TXNRD2: variants seen among roughly 807,000 people sequenced by gnomAD.
TXNRD2 encodes the protein thioredoxin reductase 2, also known as thioredoxin reductase 2, mitochondrial.
TXNRD2 carries 67 observed loss-of-function variants against 70.8 expected under a neutral mutation model. The observed-to-expected ratio is 0.95, with a 90% CI of 0.78 to 1.16. The LOEUF is 1.16. TXNRD2 is among the 50% of genes most tolerant of loss of function. The pLI is 0.00. For missense variants in TXNRD2, 644 were observed against 719.9 expected (o/e 0.89, Z 1.21); for synonymous variants, 301 against 295.8 (o/e 1.02, Z -0.18).
chr22:19,927,651 C>CAAAAAAAAAAAAAA (rs149665821), intron 2 of TXNRD2, among the ~76,000 whole-genome samples: 8 of 68,370 alleles, frequency 1.2e-4, no homozygotes, highest in Admixed American at 1.8e-4. Context: ...GACCTTGTCT[C>CAAAAAAAAAAAAAA]AAAAAAAAAA....
intron 14 of TXNRD2, among the ~76,000 whole-genome samples, chr22:19,879,712 A>G (rs978890636): frequency 1.3e-5 from 2 of 152,098 alleles, no homozygotes; most frequent in Admixed American, 6.5e-5. Context: ...TGGGGACAGC[A>G]CAGAGGCATC....
intron 2 of TXNRD2, among the ~76,000 whole-genome samples, chr22:19,926,575 T>C (rs1370219421): frequency 1.3e-5 from 2 of 151,438 alleles, no homozygotes; most frequent in Admixed American, 1.3e-4. Flanking sequence ...AGGTCAAGAG[T>C]TCAAGACCAG....
At chr22:19,930,745 G>T (rs1048040634) in intron 2 of TXNRD2, among the ~76,000 whole-genome samples, 2 of 152,216 alleles carry the variant, frequency 1.3e-5, no homozygotes, top group African/African-American at 4.8e-5. Context: ...GGTGTGAGTG[G>T]TGGGAGCTGA....
chr22:19,911,535 C>G, intron 7 of TXNRD2, 88 bp from the exon 8 acceptor site: 4 of 1,003,226 alleles, frequency 4.0e-6, no homozygotes, highest in Non-Finnish European at 6.3e-6. Flanking sequence ...TTTGCAGAAT[C>G]AAGCAGAGCT....
intron 1 of TXNRD2, among the ~76,000 whole-genome samples, chr22:19,935,241 G>C (rs1414942512): frequency 6.6e-6 from 1 of 152,150 alleles, no homozygotes; most frequent in Admixed American, 6.5e-5. Flanking sequence ...GGGGAGGTCT[G>C]TAAACGGCCA....
At chr22:19,914,977 G>C (rs1940568059) in intron 7 of TXNRD2, 4 of 532,414 alleles carry the variant, frequency 7.5e-6, no homozygotes, top group Non-Finnish European at 1.4e-5. Flanking sequence ...CAGCGGGGCA[G>C]GGGGAGAGCA....
At chr22:19,902,304 G>A (rs896097561) in intron 8 of TXNRD2, among the ~76,000 whole-genome samples, 1 of 152,248 alleles carries the variant, frequency 6.6e-6, no homozygotes, top group Non-Finnish European at 1.5e-5. Context: ...TGCAGGATGA[G>A]CCTAATCACA....
At chr22:19,908,945 C>T (rs1046939346) in intron 8 of TXNRD2, among the ~76,000 whole-genome samples, 2 of 152,138 alleles carry the variant, frequency 1.3e-5, no homozygotes, top group South Asian at 2.1e-4. Context: ...TGGCTCACCC[C>T]TGTAATCCCA....
intron 12 of TXNRD2, among the ~76,000 whole-genome samples, chr22:19,882,780 C>G (rs190755683): frequency 6.6e-6 from 1 of 152,344 alleles, no homozygotes; most frequent in Non-Finnish European, 1.5e-5. Flanking sequence ...AAGGAGGGCT[C>G]CAGAGCCCCC....
rs752723259 is a variant in TXNRD2, at chr22:19,915,208, A to G, written c.591+6T>C. On this transcript the variant is annotated splice_donor_region_variant and intron_variant, in intron 7 of 17. Transcript: ENST00000400521. ...AGCAGGGACGCTATGCTCTGGGGAC[A>G]CTCACGTGCGTGGGGTATCTCGGCC... 6.2e-7 allele frequency: 1 copy of G among 1,613,588 alleles called. No homozygotes were observed. The highest frequency in any genetic ancestry group is 1.1e-5 in the South Asian group (1 of 90,892).
At chr22:19,902,599 G>T (rs759806907) in intron 8 of TXNRD2, among the ~76,000 whole-genome samples, 53 of 152,294 alleles carry the variant, frequency 3.5e-4, no homozygotes, top group Non-Finnish European at 4.1e-4. Flanking sequence ...CCCCGGCTTG[G>T]CTGGAACCCC....
chr22:19,936,822 G>A (rs1025910460), intron 1 of TXNRD2, among the ~76,000 whole-genome samples: 7 of 151,930 alleles, frequency 4.6e-5, no homozygotes, highest in East Asian at 3.9e-4. Context: ...CTTCTATGCC[G>A]ACTCTATCTC....
chr22:19,894,784 T>C (rs1939420083), intron 11 of TXNRD2: 1 of 327,126 alleles, frequency 3.1e-6, no homozygotes, highest in East Asian at 9.6e-5. Flanking sequence ...GGTCAGGAGA[T>C]TGAGACCATC....
At chr22:19,930,050 G>A (rs1483273259) in intron 2 of TXNRD2, among the ~76,000 whole-genome samples, 1 of 152,144 alleles carries the variant, frequency 6.6e-6, no homozygotes, top group African/African-American at 2.4e-5. Flanking sequence ...ACTAGGCCTC[G>A]TGGCTGCCTG....
chr22:19,910,265 C>G (rs901011304), intron 8 of TXNRD2, among the ~76,000 whole-genome samples: 1 of 152,250 alleles, frequency 6.6e-6, no homozygotes, highest in Non-Finnish European at 1.5e-5. Context: ...GAGTGAGAGC[C>G]ACTTGCACGC....
chr22:19,933,530 A>G (rs552626726), intron 1 of TXNRD2: 1 of 1,288,128 alleles, frequency 7.8e-7, no homozygotes, highest in East Asian at 5.6e-5. Flanking sequence ...TCTGTCTGCT[A>G]TCAGGCAGGG....
At chr22:19,926,344 G>A (rs557743183) in intron 2 of TXNRD2, among the ~76,000 whole-genome samples, 263 of 149,188 alleles carry the variant, frequency 1.8e-3, no homozygotes, top group African/African-American at 6.3e-3. Context: ...ACAAAAATTA[G>A]TCGGGTATAG....
In TXNRD2 at chr22:19,915,277, C is replaced by CT; in HGVS notation, c.529-2dup. ...TGATGTGATCGGCTGACAGCAGAAT[C>CT]TGAGGAGAAAAAGAGAAAGCCGTGG... On this transcript the variant is annotated splice_acceptor_variant, in intron 6 of 17. Coordinates refer to ENST00000400521, the MANE Select transcript of TXNRD2 (RefSeq NM_006440.5). LOFTEE classifies it high-confidence loss of function. 6.2e-7 allele frequency: 1 copy of CT among 1,613,504 alleles called. No homozygotes were observed. The highest frequency in any genetic ancestry group is 2.2e-5 in the East Asian group (1 of 44,872).
intron 8 of TXNRD2, among the ~76,000 whole-genome samples, chr22:19,909,614 C>CTCA: frequency 1.0e-5 from 1 of 97,438 alleles, no homozygotes; most frequent in African/African-American, 4.0e-5. Flanking sequence ...CACACACACA[C>CTCA]CACACACACC....
Sources: gnomAD v4.1 joint callset for allele counts (sites outside exome capture counted in the v4.1 genomes callset) on GRCh38, gnomAD v4.1.1 for gene constraint, MANE v1.5 for transcripts, NCBI Gene and HGNC (gene_info 2026-07-23, HGNC 2026-07-21) for gene names.